CACNA1C: variants seen among roughly 807,000 people sequenced by gnomAD.
CACNA1C encodes voltage-dependent L-type calcium channel subunit alpha-1C.
A neutral mutation model predicts 229.0 loss-of-function variants in CACNA1C; 30 were observed. The observed-to-expected ratio is 0.13, with a 90% CI of 0.10 to 0.18. The LOEUF is 0.18. Ranked by LOEUF, CACNA1C falls within the 10% of genes least tolerant of loss-of-function variation. The pLI, the probability that CACNA1C is intolerant of heterozygous loss-of-function variation, is 1.00. For synonymous variants in CACNA1C, 1,114 were observed against 1,132.5 expected (o/e 0.98, Z 0.33); for missense variants, 1,658 against 2,845.0 (o/e 0.58, Z 9.49).
intron 9 of CACNA1C, among the ~76,000 whole-genome samples, chr12:2,534,400 C>A (rs1308313441): frequency 6.6e-6 from 1 of 152,158 alleles, no homozygotes; most frequent in Non-Finnish European, 1.5e-5. Context: ...ATGGTGAAGT[C>A]CCTGCTGAGA....
At chr12:2,035,215 C>G (rs530211400) in intron 1 of CACNA1C, among the ~76,000 whole-genome samples, 19 of 152,364 alleles carry the variant, frequency 1.2e-4, no homozygotes, top group African/African-American at 4.6e-4. Context: ...AGAACTGCCA[C>G]CTTCCAAGTC....
intron 3 of CACNA1C, among the ~76,000 whole-genome samples, chr12:2,448,759 T>A (rs757387515): frequency 2.2e-5 from 2 of 92,698 alleles, no homozygotes; most frequent in Admixed American, 2.3e-4. Flanking sequence ...GGAACTTTGA[T>A]GCAGAAAAAA....
chr12:2,660,805 C>A (rs573076593), intron 34 of CACNA1C: 1 of 152,034 alleles, frequency 6.6e-6, no homozygotes, highest in South Asian at 2.1e-4. Context: ...GCCTGGGCGA[C>A]AGAGCAAGAC....
intron 3 of CACNA1C, among the ~76,000 whole-genome samples, chr12:2,259,820 T>C (rs1471326681): frequency 6.6e-6 from 1 of 152,138 alleles, no homozygotes; most frequent in Non-Finnish European, 1.5e-5. Flanking sequence ...CCTTTGGTCC[T>C]AGCTACTTGG....
intron 1 of CACNA1C, among the ~76,000 whole-genome samples, chr12:2,056,512 G>A (rs1434633335): frequency 6.6e-6 from 1 of 152,018 alleles, no homozygotes; most frequent in Non-Finnish European, 1.5e-5. Flanking sequence ...ACAAGGCAGA[G>A]GGGAGAAACA....
intron 28 of CACNA1C, among the ~76,000 whole-genome samples, chr12:2,610,912 G>C (rs1261454937): frequency 6.6e-6 from 1 of 152,248 alleles, no homozygotes; most frequent in South Asian, 2.1e-4. Context: ...AATGGAGAGA[G>C]GGGAGGAGAT....
At chr12:2,015,586 C>T (rs182234423) in intron 1 of CACNA1C, among the ~76,000 whole-genome samples, 77 of 152,262 alleles carry the variant, frequency 5.1e-4, no homozygotes, top group South Asian at 1.2e-3. Context: ...GAGCCTAGGG[C>T]GAAAGTTCTC....
chr12:2,439,906 C>T (rs914559056), intron 3 of CACNA1C, among the ~76,000 whole-genome samples: 3 of 152,022 alleles, frequency 2.0e-5, no homozygotes, highest in Non-Finnish European at 2.9e-5. Context: ...AAGCCCAGAC[C>T]GTTCGGAGCA....
Position 2,639,069 on chromosome 12 carries a change from A to G in CACNA1C, c.3912+4689A>G, listed in dbSNP as rs2093300885. On this transcript the variant is annotated intron_variant, in intron 30 of 46. Coordinates refer to ENST00000399655, the MANE Select transcript of CACNA1C (RefSeq NM_000719.7). The surrounding 1 kb of genome is among the most constrained non-coding windows in gnomAD (Gnocchi z 4.2). ...GTTCATCTGGGAGATGCCGCTGAAC[A>G]ACTGCCAGGTGTCACAAGAGGACCG... 6.6e-6 allele frequency among the ~76,000 whole-genome samples: 1 copy of G among 152,220 alleles called. No individual in the cohort carries two copies. Among genetic ancestry groups the G allele is most frequent in the Non-Finnish European group, 1.5e-5 (1 of 68,032 alleles).
chr12:2,535,719 A>T (rs1436605686), intron 9 of CACNA1C, among the ~76,000 whole-genome samples: 1 of 150,028 alleles, frequency 6.7e-6, no homozygotes, highest in African/African-American at 2.4e-5. Context: ...AAAAAAAAAA[A>T]AAAAAAAAAA....
intron 3 of CACNA1C, among the ~76,000 whole-genome samples, chr12:2,233,662 C>A (rs2066184849): frequency 6.6e-6 from 1 of 152,202 alleles, no homozygotes. Context: ...GTTTCTGATA[C>A]ATAGATGGTT....
At chr12:2,240,361 A>C (rs1185026234) in intron 3 of CACNA1C, among the ~76,000 whole-genome samples, 1 of 152,256 alleles carries the variant, frequency 6.6e-6, no homozygotes, top group Non-Finnish European at 1.5e-5. Flanking sequence ...GATATTGAAC[A>C]GTCCTAAAAA....
At chr12:2,591,640 CAG>C (rs147734518) in intron 18 of CACNA1C, among the ~76,000 whole-genome samples, 40 of 151,072 alleles carry the variant, frequency 2.6e-4, no homozygotes, top group African/African-American at 9.4e-4. Context: ...GCAGCTCAAA[CAG>C]AGAGAGAGAG....
At position 2,679,074 on chromosome 12, in the gene CACNA1C, A is replaced by T. The variant is rs2096978617; in HGVS notation, c.5092-370A>T. On this transcript the variant is annotated intron_variant, in intron 41 of 46. Transcript: ENST00000399655. This position sits in a 1 kb window ranked among gnomAD's most constrained non-coding sequence, Gnocchi z 5.5. ...CCCTCACGGTGTGCTGGCTGCTCTT[A>T]GGGACCACCATCCTAGACGTGCCCT... 6.6e-6 allele frequency among the ~76,000 whole-genome samples: 1 copy of T among 152,074 alleles called. No homozygotes were observed. Among genetic ancestry groups the T allele is most frequent in the Admixed American group, 6.5e-5 (1 of 15,272 alleles).
chr12:2,184,816 C>T (rs2096947722), intron 3 of CACNA1C, among the ~76,000 whole-genome samples: 1 of 152,158 alleles, frequency 6.6e-6, no homozygotes, highest in Non-Finnish European at 1.5e-5. Flanking sequence ...CTCAGAGGTG[C>T]AGTCTCTTTA....
At chr12:2,625,666 A>G (rs2086018839) in intron 29 of CACNA1C, among the ~76,000 whole-genome samples, 1 of 152,124 alleles carries the variant, frequency 6.6e-6, no homozygotes, top group Non-Finnish European at 1.5e-5. Flanking sequence ...AAGCCCTATA[A>G]GGGGCCAGGC....
At chr12:2,395,346 G>A (rs1340861445) in intron 3 of CACNA1C, among the ~76,000 whole-genome samples, 1 of 151,772 alleles carries the variant, frequency 6.6e-6, no homozygotes, top group Non-Finnish European at 1.5e-5. Flanking sequence ...AGCCTCCCAA[G>A]TAGCTGGAAA....
intron 3 of CACNA1C, among the ~76,000 whole-genome samples, chr12:2,433,850 T>C (rs1463770819): frequency 6.6e-6 from 1 of 152,212 alleles, no homozygotes; most frequent in Non-Finnish European, 1.5e-5. Flanking sequence ...AAGTGTGGAA[T>C]GGGCCCTTCG....
In CACNA1C at chr12:2,665,966, A is replaced by G. The variant is rs112254698; in HGVS notation, c.4526+258A>G. On this transcript the variant is annotated intron_variant, in intron 36 of 46. Transcript: ENST00000399655. The surrounding 1 kb of genome is among the most constrained non-coding windows in gnomAD (Gnocchi z 5.9). ...GCATTTTAGAAGGCAAAGGTGGTTG[A>G]ATCACTCGAGGCCAGGAGTTCAAGA... is the stretch of plus-strand genomic sequence containing the variant. Among the ~76,000 whole-genome samples, 2 of 152,270 alleles carry G rather than the reference A, an allele frequency of 1.3e-5. No homozygotes were observed. The highest frequency in any genetic ancestry group is 4.8e-5 in the African/African-American group (2 of 41,558).
Sources: allele counts gnomAD v4.1 joint callset (sites outside exome capture counted in the v4.1 genomes callset), GRCh38; gene constraint gnomAD v4.1.1; non-coding constraint Gnocchi (gnomAD v3.1); transcripts MANE v1.5; gene names NCBI Gene and HGNC (gene_info 2026-07-23, HGNC 2026-07-21).